Variants in TCF12 observed in about 807,000 individuals in gnomAD.
TCF12 encodes transcription factor 12.
Under a neutral mutation model 86.0 loss-of-function variants are expected in TCF12, and 45 were observed. The observed-to-expected ratio is 0.52, with a 90% CI of 0.41 to 0.67. The LOEUF is 0.67. TCF12 is among the 30% of genes least tolerant of loss of function. TCF12 has a pLI of 0.00. For synonymous variants in TCF12, 330 were observed against 299.6 expected (o/e 1.10, Z -1.05); for missense variants, 881 against 859.9 (o/e 1.02, Z -0.31).
At chr15:57,281,179 CT>C (rs2061669785) in intron 19 of TCF12, among the ~76,000 whole-genome samples, 2 of 150,728 alleles carry the variant, frequency 1.3e-5, no homozygotes, top group Non-Finnish European at 2.9e-5. Flanking sequence ...TCACTGCAGC[CT>C]TGACAACTCT....
At chr15:57,199,668 G>A (rs1289958780) in intron 8 of TCF12, among the ~76,000 whole-genome samples, 4 of 152,038 alleles carry the variant, frequency 2.6e-5, no homozygotes, top group East Asian at 3.9e-4. Flanking sequence ...ATTGTCTCAG[G>A]TATCTGGAAC....
chr15:57,271,548 G>A (rs1419457133), intron 18 of TCF12, among the ~76,000 whole-genome samples: 6 of 152,126 alleles, frequency 3.9e-5, no homozygotes, highest in South Asian at 2.1e-4. Context: ...CACTTCCCAC[G>A]TGAGGCAATG....
chr15:57,019,983 TA>T (rs2065379490), intron 3 of TCF12, among the ~76,000 whole-genome samples: 1 of 152,168 alleles, frequency 6.6e-6, no homozygotes, highest in African/African-American at 2.4e-5. Context: ...CTCCCATGGT[TA>T]ACTTGGCCTA....
chr15:56,945,226 A>G (rs2060942847), intron 3 of TCF12, among the ~76,000 whole-genome samples: 1 of 152,124 alleles, frequency 6.6e-6, no homozygotes, highest in Non-Finnish European at 1.5e-5. Context: ...TGTGTTTAAG[A>G]TATGTAGTCA....
chr15:56,957,299 T>G (rs1429970642), intron 3 of TCF12, among the ~76,000 whole-genome samples: 1 of 152,216 alleles, frequency 6.6e-6, no homozygotes, highest in Non-Finnish European at 1.5e-5. Context: ...TTTGGAAGTT[T>G]TTTATTTTTT....
chr15:57,049,262 T>C (rs1016065927), intron 3 of TCF12, among the ~76,000 whole-genome samples: 2 of 152,176 alleles, frequency 1.3e-5, no homozygotes, highest in Admixed American at 6.5e-5. Flanking sequence ...CTTCAACTCA[T>C]AGGTTGAGCA....
At chr15:56,973,031 A>G (rs1428326677) in intron 3 of TCF12, among the ~76,000 whole-genome samples, 2 of 152,128 alleles carry the variant, frequency 1.3e-5, no homozygotes, top group African/African-American at 2.4e-5. Flanking sequence ...CAAATAGGTA[A>G]ATATTTTATG....
At chr15:57,170,705 A>ATATT (rs1491151079) in intron 6 of TCF12, among the ~76,000 whole-genome samples, 14 of 36,756 alleles carry the variant, frequency 3.8e-4, no homozygotes, top group East Asian at 1.2e-3. Flanking sequence ...TATTATATAT[A>ATATT]ATATATAATA....
intron 5 of TCF12, among the ~76,000 whole-genome samples, chr15:57,141,622 T>G (rs1010762397): frequency 2.0e-5 from 3 of 152,232 alleles, no homozygotes; most frequent in Admixed American, 6.5e-5. Context: ...GTGCTGGGAT[T>G]ACAGGCGTGA....
chr15:57,234,653 A>G (rs2151936212), intron 12 of TCF12, among the ~76,000 whole-genome samples: 1 of 152,342 alleles, frequency 6.6e-6, no homozygotes, highest in African/African-American at 2.4e-5. Flanking sequence ...TAGTTCACAT[A>G]CATCACTTCA....
intron 5 of TCF12, among the ~76,000 whole-genome samples, chr15:57,108,218 G>A (rs989944618): frequency 8.5e-5 from 13 of 152,186 alleles, no homozygotes; most frequent in African/African-American, 2.7e-4. Flanking sequence ...ATATAGATGT[G>A]TGGGGTGAGG....
chr15:57,061,525 C>T (rs1187653269), intron 3 of TCF12, among the ~76,000 whole-genome samples: 8 of 152,146 alleles, frequency 5.3e-5, no homozygotes, highest in Non-Finnish European at 8.8e-5. Context: ...ATCACTTGAG[C>T]CCAGGATTTT....
intron 8 of TCF12, among the ~76,000 whole-genome samples, chr15:57,228,269 T>C (rs931444244): frequency 4.6e-5 from 7 of 152,116 alleles, no homozygotes; most frequent in Admixed American, 4.6e-4. Flanking sequence ...TTGCAAGCTA[T>C]AGTTAAGATA....
intron 3 of TCF12, among the ~76,000 whole-genome samples, chr15:56,938,952 G>A (rs886388554): frequency 6.6e-6 from 1 of 152,132 alleles, no homozygotes; most frequent in Non-Finnish European, 1.5e-5. Context: ...TAGCATTTAT[G>A]TTCTTTAATA....
At chr15:57,020,618 A>G (rs1338686988) in intron 3 of TCF12, among the ~76,000 whole-genome samples, 2 of 152,360 alleles carry the variant, frequency 1.3e-5, no homozygotes, top group East Asian at 3.9e-4. Context: ...CAAAGCTAAT[A>G]TAACCATCTA....
rs1336378589 is a variant in TCF12, at chr15:57,170,767, A to G, written c.390+4301A>G. ...ATATTATATATTATATATTATATAT[A>G]TATTATATATAATATATATATATAA... On this transcript the variant is annotated intron_variant, in intron 6 of 20. Coordinates refer to ENST00000333725, the MANE Select transcript of TCF12 (RefSeq NM_207037.2). 4.2e-3 allele frequency among the ~76,000 whole-genome samples: 57 copies of G among 13,488 alleles called. 1 individual carries two copies. Among genetic ancestry groups the G allele is most frequent in the Non-Finnish European group, 6.6e-3 (51 of 7,684 alleles). The allele number at this position is 13,488 out of a possible 152,430, so 8.8% of individuals were successfully genotyped here.
Position 57,031,001 on chromosome 15 carries a change from C to T in TCF12, c.149-32749C>T, listed in dbSNP as rs558711831. On this transcript the variant is annotated intron_variant, in intron 3 of 20. Transcript: ENST00000333725. ...AGTTGATGCCAACCACTTGACTTGC[C>T]ATTCAGACTGAATAAAGCCTACATA... Among the ~76,000 whole-genome samples the T allele has an allele frequency of 1.5e-3, 236 of 152,318 alleles. 1 individual carries two copies. The highest frequency in any genetic ancestry group is 5.4e-3 in the African/African-American group (226 of 41,566).
intron 13 of TCF12, chr15:57,246,978 T>C (rs2059893985): frequency 7.4e-6 from 4 of 539,252 alleles, no homozygotes; most frequent in South Asian, 5.5e-5. Context: ...TCTGCTACCA[T>C]ATCCACCACT....
chr15:57,219,837 C>T (rs1419110032), intron 8 of TCF12, among the ~76,000 whole-genome samples: 8 of 151,370 alleles, frequency 5.3e-5, no homozygotes, highest in African/African-American at 1.9e-4. Flanking sequence ...GCGATTCTCC[C>T]GCCTCAGCCT....
Sources: gnomAD v4.1 joint callset for allele counts (sites outside exome capture counted in the v4.1 genomes callset) on GRCh38, gnomAD v4.1.1 for gene constraint, MANE v1.5 for transcripts, NCBI Gene and HGNC (gene_info 2026-07-23, HGNC 2026-07-21) for gene names.